APP: variants seen among roughly 807,000 people sequenced by gnomAD.
The protein encoded by APP is amyloid-beta precursor protein.
In APP, 31 loss-of-function variants were observed where a neutral mutation model predicts 101.4. The observed-to-expected ratio is 0.31, with a 90% CI of 0.23 to 0.41. APP has a LOEUF of 0.41. Ranked by LOEUF, APP falls within the 10% of genes least tolerant of loss-of-function variation. APP has a pLI of 1.00. For synonymous variants in APP, 366 were observed against 364.4 expected (o/e 1.00, Z -0.05); for missense variants, 839 against 1,003.7 (o/e 0.84, Z 2.22).
intron 3 of APP, among the ~76,000 whole-genome samples, chr21:26,068,708 CAATCT>C (rs748654237): frequency 5.9e-5 from 9 of 152,118 alleles, no homozygotes; most frequent in Non-Finnish European, 1.2e-4. Flanking sequence ...CAGTTTCCAC[CAATCT>C]ATCTCAAGCC....
chr21:25,888,153 T>A (rs2037462651), intron 17 of APP, among the ~76,000 whole-genome samples: 1 of 152,252 alleles, frequency 6.6e-6, no homozygotes, highest in African/African-American at 2.4e-5. Context: ...TACTCATTTT[T>A]GTTCTTACTG....
intron 1 of APP, among the ~76,000 whole-genome samples, chr21:26,120,242 T>C (rs2830064): frequency 0.095 from 14,536 of 152,244 alleles, 892 homozygotes; most frequent in Admixed American, 0.15. Flanking sequence ...AATCAAGGCA[T>C]AGATTGTTTC....
At chr21:26,030,497 TG>T (rs1568882081) in intron 5 of APP, among the ~76,000 whole-genome samples, 1 of 152,130 alleles carries the variant, frequency 6.6e-6, no homozygotes, top group Non-Finnish European at 1.5e-5. Context: ...TAAAATATCT[TG>T]GCATCATAAA....
chr21:26,022,429 G>A (rs1192186738), intron 5 of APP, among the ~76,000 whole-genome samples: 1 of 152,086 alleles, frequency 6.6e-6, no homozygotes, highest in Non-Finnish European at 1.5e-5. Context: ...TAGATACACA[G>A]CATTAAGCAT....
At chr21:26,101,767 T>TA (rs2062062734) in intron 2 of APP, among the ~76,000 whole-genome samples, 1 of 152,198 alleles carries the variant, frequency 6.6e-6, no homozygotes, top group Non-Finnish European at 1.5e-5. Flanking sequence ...GCATTCATGC[T>TA]AAAAATCTGC....
intron 3 of APP, among the ~76,000 whole-genome samples, chr21:26,074,567 A>G (rs2061467862): frequency 2.0e-5 from 3 of 152,192 alleles, no homozygotes; most frequent in African/African-American, 7.2e-5. Context: ...CGTGGGCAAC[A>G]TGGTGAAACC....
chr21:25,998,050 A>G (rs1325189163), intron 7 of APP, among the ~76,000 whole-genome samples: 1 of 152,202 alleles, frequency 6.6e-6, no homozygotes, highest in Non-Finnish European at 1.5e-5. Flanking sequence ...AAGGGATGGC[A>G]GTACTGGGGT....
intron 15 of APP, chr21:25,898,036 T>C (rs1000610524): frequency 3.2e-5 from 9 of 278,252 alleles, no homozygotes; most frequent in Non-Finnish European, 5.5e-5. Flanking sequence ...TAGCCTATTA[T>C]GTGTCTTTTT....
At chr21:25,895,454 G>A (rs541296410) in intron 16 of APP, among the ~76,000 whole-genome samples, 8 of 152,202 alleles carry the variant, frequency 5.3e-5, no homozygotes, top group African/African-American at 9.6e-5. Context: ...ATGAGCCACC[G>A]TGCCTGGCCA....
chr21:26,054,620 GTTTTTTT>G (rs369608335), intron 3 of APP, among the ~76,000 whole-genome samples: 7 of 108,008 alleles, frequency 6.5e-5, no homozygotes, highest in South Asian at 3.3e-4. Context: ...TAGGCCAAAA[GTTTTTTT>G]TTTTTTTTTT....
chr21:26,121,236 T>C (rs1212694112), intron 1 of APP, among the ~76,000 whole-genome samples: 1 of 152,206 alleles, frequency 6.6e-6, no homozygotes, highest in Non-Finnish European at 1.5e-5. Flanking sequence ...TAGACATAAT[T>C]TATTTTATTG....
chr21:26,163,065 T>C (rs1313033023), intron 1 of APP, among the ~76,000 whole-genome samples: 1 of 123,502 alleles, frequency 8.1e-6, no homozygotes, highest in African/African-American at 3.0e-5. Flanking sequence ...CTGTCTCTAC[T>C]AAAAAAAAAA....
At chr21:26,107,183 C>T (rs2062201876) in intron 2 of APP, among the ~76,000 whole-genome samples, 1 of 152,102 alleles carries the variant, frequency 6.6e-6, no homozygotes, top group Admixed American at 6.5e-5. Context: ...ATTCCACACC[C>T]TTAGAGCTTT....
In APP at chr21:26,122,510, AG is replaced by A. The variant is rs1304589493; in HGVS notation, c.58-10365del. On this transcript the variant is annotated intron_variant, in intron 1 of 17. Coordinates refer to ENST00000346798, the MANE Select transcript of APP (RefSeq NM_000484.4). ...AGCTTGGAGGCCAGCTAAACTCTCT[AG>A]AAAGTCATTTCCATCTGACTTCCCA... 2.6e-5 allele frequency among the ~76,000 whole-genome samples: 4 copies of A among 152,312 alleles called. No individual in the cohort carries two copies. In the East Asian group the frequency reaches 7.7e-4, roughly 29 times the overall value.
intron 3 of APP, among the ~76,000 whole-genome samples, chr21:26,076,226 T>C (rs1393177567): frequency 1.3e-5 from 2 of 152,114 alleles, no homozygotes; most frequent in Non-Finnish European, 2.9e-5. Context: ...CACCTCTTCA[T>C]TTTCTTTACG....
At chr21:26,134,872 T>C (rs1323745953) in intron 1 of APP, among the ~76,000 whole-genome samples, 1 of 152,224 alleles carries the variant, frequency 6.6e-6, no homozygotes, top group Non-Finnish European at 1.5e-5. Context: ...ACCAAATAGA[T>C]GCCACAGTAT....
intron 5 of APP, among the ~76,000 whole-genome samples, chr21:26,022,914 G>A (rs992066708): frequency 6.6e-6 from 1 of 150,376 alleles, no homozygotes; most frequent in Admixed American, 6.6e-5. Flanking sequence ...CACACAGGTG[G>A]AAGATGAAAC....
chr21:26,058,009 A>G (rs2046110739), intron 3 of APP, among the ~76,000 whole-genome samples: 1 of 152,212 alleles, frequency 6.6e-6, no homozygotes, highest in African/African-American at 2.4e-5. Context: ...CGTGGCTTAA[A>G]CACACGGTAG....
At position 26,131,104 on chromosome 21, in the gene APP, C is replaced by T. The variant is rs187373804; in HGVS notation, c.58-18958G>A. ...ATTAGCTGGGCGTGGTGGCACTCACCCGTAATCCCAGCTACTCAGGAGGCT... is the reference window on the plus strand; with the variant it reads ...ATTAGCTGGGCGTGGTGGCACTCACTCGTAATCCCAGCTACTCAGGAGGCT... On this transcript the variant is annotated intron_variant, in intron 1 of 17. Coordinates refer to ENST00000346798, the MANE Select transcript of APP (RefSeq NM_000484.4). Among the ~76,000 whole-genome samples the T allele has an allele frequency of 1.1e-4, 16 of 152,142 alleles. No homozygotes were observed. The East Asian group carries it at 2.3e-3, about 22-fold the overall frequency.
Sources: gnomAD v4.1 joint callset for allele counts (sites outside exome capture counted in the v4.1 genomes callset) on GRCh38, gnomAD v4.1.1 for gene constraint, MANE v1.5 for transcripts, NCBI Gene and HGNC (gene_info 2026-07-23, HGNC 2026-07-21) for gene names.